The following ANKS1B variants were observed in gnomAD, a reference collection of about 807,000 sequenced individuals.
ANKS1B encodes ankyrin repeat and sterile alpha motif domain containing 1B, also known as ankyrin repeat and sterile alpha motif domain-containing protein 1B.
A neutral mutation model predicts 148.3 loss-of-function variants in ANKS1B; 36 were observed. That is an observed-to-expected ratio of 0.24 (90% CI 0.19 to 0.32). The LOEUF (loss-of-function observed/expected upper bound fraction) is 0.32. Ranked by LOEUF, ANKS1B falls within the 10% of genes least tolerant of loss-of-function variation. The probability of loss-of-function intolerance (pLI) is 1.00; values close to 1 mark genes in which losing one functional copy is unlikely to be tolerated. For missense variants in ANKS1B, 1,157 were observed against 1,542.6 expected, an observed-to-expected ratio of 0.75 and a Z score of 4.19; for synonymous variants, 542 against 560.8, an observed-to-expected ratio of 0.97 and a Z score of 0.47.
At chr12:99,501,894 G>T (rs529805802) in intron 10 of ANKS1B, among the ~76,000 whole-genome samples, 3 of 152,224 alleles carry the variant, frequency 2.0e-5, no homozygotes, top group African/African-American at 7.2e-5. Context: ...TTCGATTTCT[G>T]TAATTTTCAT....
At chr12:99,108,621 GA>G (rs1482642736) in intron 15 of ANKS1B, among the ~76,000 whole-genome samples, 1 of 152,124 alleles carries the variant, frequency 6.6e-6, no homozygotes, top group Non-Finnish European at 1.5e-5. Flanking sequence ...TTTCATAAAA[GA>G]TTGACAATTT....
chr12:99,421,344 A>G (rs2095074737), intron 11 of ANKS1B, among the ~76,000 whole-genome samples: 1 of 152,220 alleles, frequency 6.6e-6, no homozygotes, highest in Non-Finnish European at 1.5e-5. Context: ...TACAGCACAC[A>G]GACTTATTTT....
intron 14 of ANKS1B, among the ~76,000 whole-genome samples, chr12:99,241,501 CTT>C (rs1423851943): frequency 7.9e-5 from 12 of 152,196 alleles, no homozygotes; most frequent in African/African-American, 2.9e-4. Context: ...CCTTCTGAAA[CTT>C]TTCCAATCAA....
intron 17 of ANKS1B, among the ~76,000 whole-genome samples, chr12:99,013,357 A>T (rs368596364): frequency 6.6e-6 from 1 of 151,458 alleles, no homozygotes; most frequent in Non-Finnish European, 1.5e-5. Flanking sequence ...CCTATTCAAC[A>T]TAATATGGGA....
intron 17 of ANKS1B, among the ~76,000 whole-genome samples, chr12:98,892,724 T>C (rs191918474): frequency 1.3e-5 from 2 of 152,226 alleles, no homozygotes; most frequent in Non-Finnish European, 2.9e-5. Flanking sequence ...TCATATTAAA[T>C]AATACACCAT....
intron 12 of ANKS1B, among the ~76,000 whole-genome samples, chr12:99,273,574 AT>A (rs1188069212): frequency 0.021 from 2,033 of 96,954 alleles, 22 homozygotes; most frequent in African/African-American, 0.067. Flanking sequence ...TTTTTTTGCG[AT>A]TTTTTTTTTT....
chr12:99,748,426 T>TA (rs2060804892), intron 8 of ANKS1B, among the ~76,000 whole-genome samples: 1 of 151,862 alleles, frequency 6.6e-6, no homozygotes, highest in Non-Finnish European at 1.5e-5. Flanking sequence ...TTTTTTTTTT[T>TA]AGATTTTCAG....
At chr12:99,418,276 G>A (rs187807847) in intron 11 of ANKS1B, among the ~76,000 whole-genome samples, 1 of 151,656 alleles carries the variant, frequency 6.6e-6, no homozygotes, top group Non-Finnish European at 1.5e-5. Flanking sequence ...AATAATCAGG[G>A]GATACAAATT....
chr12:98,773,627 G>T (rs1003808170), intron 24 of ANKS1B, among the ~76,000 whole-genome samples: 1 of 152,096 alleles, frequency 6.6e-6, no homozygotes, highest in African/African-American at 2.4e-5. Context: ...GCTAATTTTT[G>T]TATTTTTAGT....
intron 22 of ANKS1B, chr12:98,795,619 T>C (rs745396954): frequency 1.6e-5 from 7 of 447,524 alleles, no homozygotes; most frequent in South Asian, 1.1e-4. Flanking sequence ...GTAGAATTTC[T>C]GGGTACAACA....
chr12:99,655,059 AC>A lies in ANKS1B; in HGVS notation c.1272+7del. 1 of 1,553,626 alleles carries A rather than the reference AC, an allele frequency of 6.4e-7. No homozygotes were observed. The highest frequency in any genetic ancestry group is 8.7e-7 in the Non-Finnish European group (1 of 1,146,836). ...TTTTATTGTACCTTAATAAAAGCAA[AC>A]TTTTACCTGGGCAAGCATGGGGAAG... On this transcript the variant is annotated splice_region_variant and intron_variant, in intron 9 of 26. Transcript: ENST00000683438.
chr12:99,931,189 T>C (rs58354086), intron 1 of ANKS1B, among the ~76,000 whole-genome samples: 32,603 of 151,114 alleles, frequency 0.22, 3,763 homozygotes, highest in African/African-American at 0.25. Flanking sequence ...CAGGGACTGT[T>C]GTGGGGTCGG....
rs552976503 is a variant in ANKS1B, at chr12:99,894,475, C to T, written c.135-69086G>A. On this transcript the variant is annotated intron_variant, in intron 1 of 26. Transcript: ENST00000683438. ...AGTGAGCCATGGCCATGCCACCGCA[C>T]TCCAGCCTGAGCAACAGAGCGGGAC... 2.7e-5 allele frequency among the ~76,000 whole-genome samples: 4 copies of T among 146,652 alleles called. No individual in the cohort carries two copies. The East Asian group carries it at 8.0e-4, about 29-fold the overall frequency.
intron 17 of ANKS1B, among the ~76,000 whole-genome samples, chr12:99,052,241 T>C (rs1257728472): frequency 1.3e-5 from 2 of 152,254 alleles, no homozygotes; most frequent in Non-Finnish European, 2.9e-5. Context: ...AGTTGATCTC[T>C]TTGGGCTTGA....
At chr12:98,817,812 T>A (rs539525141) in intron 19 of ANKS1B, among the ~76,000 whole-genome samples, 5 of 152,326 alleles carry the variant, frequency 3.3e-5, no homozygotes, top group African/African-American at 9.6e-5. Flanking sequence ...CATTTCTCCA[T>A]CTTTCTGAAG....
At chr12:99,347,460 G>A (rs548607336) in intron 12 of ANKS1B, among the ~76,000 whole-genome samples, 1 of 151,982 alleles carries the variant, frequency 6.6e-6, no homozygotes, top group African/African-American at 2.4e-5. Flanking sequence ...AGCAGGAAAT[G>A]AAGTTGAAGG....
chr12:99,051,161 C>A (rs2099965800), intron 17 of ANKS1B, among the ~76,000 whole-genome samples: 1 of 152,172 alleles, frequency 6.6e-6, no homozygotes, highest in Admixed American at 6.5e-5. Flanking sequence ...CTCTAGGCCA[C>A]AGGTACCCCC....
At chr12:99,276,822 G>T (rs1245171491) in intron 12 of ANKS1B, among the ~76,000 whole-genome samples, 1 of 152,200 alleles carries the variant, frequency 6.6e-6, no homozygotes, top group Non-Finnish European at 1.5e-5. Context: ...ATAAGATTGT[G>T]CTACATATCA....
chr12:99,593,584 CAT>C (rs1321627273), intron 9 of ANKS1B, among the ~76,000 whole-genome samples: 2 of 152,006 alleles, frequency 1.3e-5, no homozygotes, highest in African/African-American at 4.8e-5. Context: ...TAAAAGAAAA[CAT>C]TGATTGATTT....
Sources: allele counts gnomAD v4.1 joint callset (sites outside exome capture counted in the v4.1 genomes callset), GRCh38; gene constraint gnomAD v4.1.1; transcripts MANE v1.5; gene names NCBI Gene and HGNC (gene_info 2026-07-23, HGNC 2026-07-21).